The following TFEC variants were observed in gnomAD, a reference collection of about 807,000 sequenced individuals.
TFEC encodes the protein class E basic helix-loop-helix protein 34.
TFEC carries 31 observed loss-of-function variants against 41.6 expected under a neutral mutation model. The observed-to-expected ratio is 0.74, with a 90% confidence interval of 0.56 to 1.01. TFEC has a LOEUF of 1.01. Ranked by LOEUF, TFEC falls within the 50% of genes least tolerant of loss-of-function variation. The pLI is 0.00. For missense variants in TFEC, 402 were observed against 404.1 expected, an observed-to-expected ratio of 0.99 and a Z score of 0.04; for synonymous variants, 143 against 140.6, an observed-to-expected ratio of 1.02 and a Z score of -0.12.
chr7:116,105,083 T>TCC (rs1797686036), intron 3 of TFEC, among the ~76,000 whole-genome samples: 1 of 152,090 alleles, frequency 6.6e-6, no homozygotes, highest in Non-Finnish European at 1.5e-5. Flanking sequence ...CCTCCAGTCC[T>TCC]ATGGCCCCAG....
intron 1 of TFEC, among the ~76,000 whole-genome samples, chr7:116,136,788 AT>A (rs985113130): frequency 2.0e-5 from 3 of 151,998 alleles, no homozygotes; most frequent in African/African-American, 7.2e-5. Flanking sequence ...GAAAGGTGTC[AT>A]TTATGATGAT....
At position 115,984,370 on chromosome 7, in the gene TFEC, A is replaced by T. The variant is rs745588473; in HGVS notation, c.72T>A (p.Pro24=). The stretch of plus-strand genomic sequence containing the variant: ...GAGTTGTGTGTGCATGCTGCACAAG[A>T]GGCCCACCACTTGGCACTGCAGGTT... ...WSQPAVPSGG[P]LVQHAHTTLD... The change falls in exon 2 of 8, where the codon CCT becomes CCA. Residue 24 remains proline, a synonymous_variant. Transcript: ENST00000265440. 1.1e-5 allele frequency: 17 copies of T among 1,614,044 alleles called. No individual in the cohort carries two copies. The Admixed American group carries it at 1.3e-4, about 13-fold the overall frequency.
intron 1 of TFEC, among the ~76,000 whole-genome samples, chr7:116,124,911 T>C (rs1798179538): frequency 6.6e-6 from 1 of 152,214 alleles, no homozygotes; most frequent in Admixed American, 6.5e-5. Context: ...CTGCATTATA[T>C]CCTCAAGTAT....
chr7:115,956,472 C>T (rs1012376113), intron 4 of TFEC, among the ~76,000 whole-genome samples: 2 of 151,476 alleles, frequency 1.3e-5, no homozygotes, highest in Non-Finnish European at 3.0e-5. Context: ...GCTCAATTTC[C>T]AAAATAATGA....
intron 1 of TFEC, among the ~76,000 whole-genome samples, chr7:116,130,662 G>T (rs116560737): frequency 1.4e-3 from 212 of 152,126 alleles, no homozygotes; most frequent in African/African-American, 5.0e-3. Context: ...GTCCAGATTG[G>T]AGTGCAGTAG....
intron 1 of TFEC, among the ~76,000 whole-genome samples, chr7:116,029,005 T>G (rs983519920): frequency 3.9e-5 from 6 of 152,188 alleles, no homozygotes. Flanking sequence ...GTAATTATTT[T>G]GGGCTATCTA....
At position 115,974,223 on chromosome 7, in the gene TFEC, C is replaced by T; in HGVS notation, c.214G>A (p.Glu72Lys). 1 of 1,594,824 alleles carries T rather than the reference C, an allele frequency of 6.3e-7. No homozygotes were observed. Among genetic ancestry groups the T allele is most frequent in the Non-Finnish European group, 8.5e-7 (1 of 1,171,506 alleles). ...EDVIEDIIGM[E>K]SSFKEEGADS... is the part of the protein sequence containing the mutation. ...GCTCCTTCCTCTTTAAAACTTGATT[C>T]CATACCGATTATATCCTCAATAACG... is the stretch of plus-strand genomic sequence containing the variant. Residue 72 changes from glutamate (E) to lysine (K), a missense_variant, in exon 3 of 8, where the codon GAA (glutamate) becomes AAA (lysine). Physicochemically the swap from Glu to Lys is moderately conservative, Grantham distance 56. Transcript: ENST00000265440.
chr7:116,134,009 A>G (rs1798387268), intron 1 of TFEC, among the ~76,000 whole-genome samples: 1 of 152,236 alleles, frequency 6.6e-6, no homozygotes, highest in Admixed American at 6.5e-5. Flanking sequence ...AACCAAGCCA[A>G]GAGATAGCAG....
intron 5 of TFEC, among the ~76,000 whole-genome samples, chr7:115,952,600 C>T (rs560671675): frequency 1.3e-5 from 2 of 152,120 alleles, no homozygotes; most frequent in Admixed American, 1.3e-4. Flanking sequence ...ACCTTCTTCT[C>T]TACTCTTCTT....
chr7:116,089,510 T>A (rs1338941813), intron 3 of TFEC, among the ~76,000 whole-genome samples: 1 of 152,152 alleles, frequency 6.6e-6, no homozygotes, highest in Non-Finnish European at 1.5e-5. Context: ...TGACTAAGTA[T>A]AAATCACTGC....
rs1317910437 is a variant in TFEC, at chr7:115,938,084, A to G, written c.*2467T>C. On this transcript the variant is annotated 3_prime_UTR_variant, in exon 8 of 8. Transcript: ENST00000265440. ...AGCAGCAAATAGCAGTTCCCTCTCC[A>G]GATCTCTTGTGTCCAGGCTCTATCA... 6.6e-6 allele frequency: 1 copy of G among 151,898 alleles called. No homozygotes were observed. The highest frequency in any genetic ancestry group is 2.4e-5 in the African/African-American group (1 of 41,396). 9.4% of individuals were successfully genotyped at this position (151,898 alleles called of 1,614,324 possible). A position where few individuals can be genotyped will look rare whatever the true frequency, so the allele number is the denominator to read the frequency against.
At chr7:115,970,941 C>T (rs1329456858) in intron 3 of TFEC, among the ~76,000 whole-genome samples, 2 of 151,916 alleles carry the variant, frequency 1.3e-5, no homozygotes, top group African/African-American at 4.8e-5. Context: ...CTTAGGTATT[C>T]CTTTATGGAA....
intron 1 of TFEC, among the ~76,000 whole-genome samples, chr7:115,990,445 A>C (rs1794056965): frequency 6.6e-6 from 1 of 152,178 alleles, no homozygotes; most frequent in African/African-American, 2.4e-5. Context: ...GAGCTAAAGG[A>C]GGATGTTCGA....
At position 115,940,378 on chromosome 7, in the gene TFEC, A is replaced by G; in HGVS notation, c.*173T>C. On this transcript the variant is annotated 3_prime_UTR_variant, in exon 8 of 8. Transcript: ENST00000265440. ...TTTTTTCGCCCTCAATAATTCATTA[A>G]CACTATGATTTTTCTTCCTGCGAAT... 1 of 682,044 alleles carries G rather than the reference A, an allele frequency of 1.5e-6. No homozygotes were observed. Among genetic ancestry groups the G allele is most frequent in the South Asian group, 2.7e-5 (1 of 36,708 alleles). The allele number at this position is 682,044 out of a possible 1,614,324, so 42.2% of individuals were successfully genotyped here. A position where few individuals can be genotyped will look rare whatever the true frequency, so the allele number is the denominator to read the frequency against.
chr7:115,973,603 C>G (rs1793234601), intron 3 of TFEC, among the ~76,000 whole-genome samples: 1 of 151,926 alleles, frequency 6.6e-6, no homozygotes, highest in Non-Finnish European at 1.5e-5. Flanking sequence ...TACACTATCC[C>G]TTCATATTGC....
rs142618267 is a variant in TFEC, at chr7:116,018,615, G to A, written c.-73+12018C>T. 8.6e-3 allele frequency among the ~76,000 whole-genome samples: 1,303 copies of A among 152,272 alleles called. 75 individuals carry two copies. The highest frequency in any genetic ancestry group is 0.081 in the Admixed American group (1,240 of 15,278). On this transcript the variant is annotated intron_variant, in intron 1 of 7. Coordinates refer to ENST00000265440, the MANE Select transcript of TFEC (RefSeq NM_012252.4). Reference sequence around the variant, plus strand: ...GAAAAAATAGAGCTGAGGCTCATAAGGACATTTTAGATTTCTGGGGAGGAA... The same window carrying A: ...GAAAAAATAGAGCTGAGGCTCATAAAGACATTTTAGATTTCTGGGGAGGAA...
intron 1 of TFEC, among the ~76,000 whole-genome samples, chr7:116,151,588 T>A (rs1798761957): frequency 6.6e-6 from 1 of 152,118 alleles, no homozygotes; most frequent in Admixed American, 6.6e-5. Flanking sequence ...TTCTTCTCCT[T>A]GTAGTAGGGT....
chr7:116,003,108 A>G (rs928087645), intron 1 of TFEC, among the ~76,000 whole-genome samples: 21 of 152,284 alleles, frequency 1.4e-4, no homozygotes, highest in Non-Finnish European at 2.5e-4. Flanking sequence ...TCAATGGTTT[A>G]AATGCATCAA....
chr7:116,110,690 A>G (rs942185988), intron 3 of TFEC: 1 of 1,386,114 alleles, frequency 7.2e-7, no homozygotes, highest in Non-Finnish European at 9.4e-7. Flanking sequence ...ACGGCTGTAT[A>G]TGTATACAGA....
Sources: allele counts gnomAD v4.1 joint callset (sites outside exome capture counted in the v4.1 genomes callset), GRCh38; gene constraint gnomAD v4.1.1; transcripts MANE v1.5; gene names NCBI Gene and HGNC (gene_info 2026-07-23, HGNC 2026-07-21).